GRIN2A: variants seen among roughly 807,000 people sequenced by gnomAD.
GRIN2A encodes glutamate ionotropic receptor NMDA type subunit 2A.
In GRIN2A, 22 loss-of-function variants were observed where a neutral mutation model predicts 113.4. That is an observed-to-expected ratio of 0.19 (90% CI 0.14 to 0.28). The LOEUF is 0.28. GRIN2A is among the 10% of genes least tolerant of loss of function. GRIN2A has a pLI of 1.00. For missense variants in GRIN2A, 1,502 were observed against 1,887.0 expected, an observed-to-expected ratio of 0.80 and a Z score of 3.78; for synonymous variants, 827 against 738.4, an observed-to-expected ratio of 1.12 and a Z score of -1.94.
intron 11 of GRIN2A, among the ~76,000 whole-genome samples, chr16:9,787,430 G>A (rs548431740): frequency 2.0e-5 from 3 of 152,054 alleles, no homozygotes; most frequent in African/African-American, 4.8e-5. Context: ...GGGTTATCCC[G>A]CCCTATCAGA....
At chr16:9,993,071 C>A (rs12597701) in intron 2 of GRIN2A, among the ~76,000 whole-genome samples, 16,004 of 139,026 alleles carry the variant, frequency 0.12, 994 homozygotes, top group African/African-American at 0.17. Flanking sequence ...CAAAAAAAAA[C>A]CCCAAAAAAT....
At chr16:9,785,554 C>A (rs897537397) in intron 11 of GRIN2A, among the ~76,000 whole-genome samples, 2 of 151,376 alleles carry the variant, frequency 1.3e-5, no homozygotes, top group African/African-American at 4.9e-5. Context: ...TAAACCTGCA[C>A]GTTGTGCACG....
intron 4 of GRIN2A, among the ~76,000 whole-genome samples, chr16:9,863,474 A>G (rs1243972374): frequency 2.0e-5 from 3 of 152,190 alleles, no homozygotes; most frequent in African/African-American, 7.2e-5. Context: ...GAATTCCACC[A>G]CAGAAAATAC....
rs1387816974 is a variant in GRIN2A at position 10,134,186 on chromosome 16, C to T, written c.414+45812G>A. ...CCAGTCTGGCCTTCAGGGTGAGACA[C>T]TGTTTCCAGAAAAAAAAAAAAAAAA... On this transcript the variant is annotated intron_variant, in intron 2 of 12. Transcript: ENST00000330684. Among the ~76,000 whole-genome samples the T allele has an allele frequency of 4.4e-5, 5 of 112,366 alleles. No individual in the cohort carries two copies. The Admixed American group carries it at 5.6e-4, about 13-fold the overall frequency. 73.7% of individuals were successfully genotyped at this position (112,366 alleles called of 152,430 possible).
At chr16:10,045,149 A>T (rs2047236228) in intron 2 of GRIN2A, among the ~76,000 whole-genome samples, 1 of 152,186 alleles carries the variant, frequency 6.6e-6, no homozygotes. Context: ...AATTGGCCGA[A>T]GTCTTCCTTG....
At chr16:9,772,450 C>T (rs1253618868) in intron 11 of GRIN2A, among the ~76,000 whole-genome samples, 1 of 152,182 alleles carries the variant, frequency 6.6e-6, no homozygotes, top group East Asian at 1.9e-4. Flanking sequence ...TAACTCACTA[C>T]AGTAGCAACT....
At chr16:10,173,376 G>C (rs952693014) in intron 2 of GRIN2A, among the ~76,000 whole-genome samples, 3 of 152,198 alleles carry the variant, frequency 2.0e-5, no homozygotes, top group Non-Finnish European at 2.9e-5. Flanking sequence ...CTGATGAGCT[G>C]TTACTCAGCA....
At chr16:9,952,742 C>T (rs1271699932) in intron 2 of GRIN2A, among the ~76,000 whole-genome samples, 1 of 151,884 alleles carries the variant, frequency 6.6e-6, no homozygotes, top group African/African-American at 2.4e-5. Context: ...CAGAGCCTGC[C>T]ACAGAGAGGA....
intron 2 of GRIN2A, among the ~76,000 whole-genome samples, chr16:10,082,250 C>G (rs1785934030): frequency 6.6e-6 from 1 of 152,156 alleles, no homozygotes; most frequent in Non-Finnish European, 1.5e-5. Flanking sequence ...ACACAAAGAT[C>G]AGGAAGAATA....
At chr16:9,966,629 G>A (rs763996901) in intron 2 of GRIN2A, among the ~76,000 whole-genome samples, 25 of 152,132 alleles carry the variant, frequency 1.6e-4, no homozygotes, top group Non-Finnish European at 3.1e-4. Context: ...ATTCCTTTCG[G>A]TATATACCTG....
At chr16:9,778,800 CCATGT>C (rs1206571490) in intron 11 of GRIN2A, among the ~76,000 whole-genome samples, 2 of 152,190 alleles carry the variant, frequency 1.3e-5, no homozygotes, top group Non-Finnish European at 2.9e-5. Flanking sequence ...CTTGTCTGAC[CCATGT>C]CCAGTTTATG....
chr16:9,975,729 A>G (rs764496777), intron 2 of GRIN2A, among the ~76,000 whole-genome samples: 1 of 152,244 alleles, frequency 6.6e-6, no homozygotes, highest in Non-Finnish European at 1.5e-5. Flanking sequence ...GACTCTCAGA[A>G]TGGATCAAAC....
chr16:10,151,621 A>G (rs975266326), intron 2 of GRIN2A, among the ~76,000 whole-genome samples: 8 of 152,228 alleles, frequency 5.3e-5, no homozygotes, highest in Non-Finnish European at 1.2e-4. Flanking sequence ...CAATTTTTGC[A>G]TCCTTCAAAT....
intron 4 of GRIN2A, 138 bp downstream of exon 4, chr16:9,890,848 G>A (rs2043679306): frequency 4.4e-6 from 3 of 680,074 alleles, no homozygotes; most frequent in Non-Finnish European, 2.7e-6. Flanking sequence ...CTTGTTGCAA[G>A]AAAGACGTGC....
chr16:10,163,651 A>G (rs924416775), intron 2 of GRIN2A, among the ~76,000 whole-genome samples: 15 of 150,820 alleles, frequency 9.9e-5, no homozygotes. Context: ...CCTCCCCATA[A>G]CCAGCCACTA....
intron 12 of GRIN2A, among the ~76,000 whole-genome samples, chr16:9,766,096 G>A (rs1208808262): frequency 6.6e-6 from 1 of 152,096 alleles, no homozygotes; most frequent in Non-Finnish European, 1.5e-5. Context: ...CCAGATTTCA[G>A]CAGCCGTACC....
chr16:9,963,130 G>A (rs2045476357), intron 2 of GRIN2A, among the ~76,000 whole-genome samples: 1 of 111,370 alleles, frequency 9.0e-6, no homozygotes, highest in Non-Finnish European at 1.8e-5. Context: ...GTGGGGTGGG[G>A]GGCGGGGAGG....
At chr16:9,974,823 C>A (rs949606923) in intron 2 of GRIN2A, among the ~76,000 whole-genome samples, 2 of 152,144 alleles carry the variant, frequency 1.3e-5, no homozygotes, top group African/African-American at 4.8e-5. Flanking sequence ...AATTTGGAAG[C>A]CTTTTATTTC....
chr16:9,878,069 A>G (rs1476372630), intron 4 of GRIN2A, among the ~76,000 whole-genome samples: 1 of 151,938 alleles, frequency 6.6e-6, no homozygotes, highest in East Asian at 1.9e-4. Context: ...CTATTTGCTC[A>G]TTTTCATAAT....
Sources: gnomAD v4.1 joint callset for allele counts (sites outside exome capture counted in the v4.1 genomes callset) on GRCh38, gnomAD v4.1.1 for gene constraint, MANE v1.5 for transcripts, NCBI Gene and HGNC (gene_info 2026-07-23, HGNC 2026-07-21) for gene names.